MAGI3: variants seen among roughly 807,000 people sequenced by gnomAD.
MAGI3 encodes the protein membrane associated guanylate kinase, WW and PDZ domain containing 3.
In MAGI3, 43 loss-of-function variants were observed where a neutral mutation model predicts 121.8. That is an observed-to-expected ratio of 0.35 (90% CI 0.28 to 0.46). The LOEUF is 0.46. Ranked by LOEUF, MAGI3 falls within the 20% of genes least tolerant of loss-of-function variation. The pLI is 1.00. For synonymous variants in MAGI3, 553 were observed against 639.3 expected, an observed-to-expected ratio of 0.86 and a Z score of 2.04; for missense variants, 1,547 against 1,797.3, an observed-to-expected ratio of 0.86 and a Z score of 2.52.
In MAGI3 at chr1:113,624,189, A is replaced by G. The variant is rs542912247; in HGVS notation, c.1360+1195A>G. ...ACATGGGAGTGCAGATATCTCTTCA[A>G]TATACTGATTTCCTTTCTTGTGGGT... On this transcript the variant is annotated intron_variant, in intron 9 of 20. Coordinates refer to ENST00000307546, the MANE Select transcript of MAGI3 (RefSeq NM_001142782.2). Among the ~76,000 whole-genome samples the G allele has an allele frequency of 1.8e-4, 27 of 152,300 alleles. 2 individuals are homozygous for G. In the South Asian group the frequency reaches 5.6e-3, roughly 32 times the overall value.
At chr1:113,515,425 C>T (rs1657845995) in intron 1 of MAGI3, among the ~76,000 whole-genome samples, 1 of 152,074 alleles carries the variant, frequency 6.6e-6, no homozygotes, top group South Asian at 2.1e-4. Flanking sequence ...TCAAGAACTT[C>T]ATTTCATTAA....
At chr1:113,495,096 C>T (rs1002964419) in intron 1 of MAGI3, among the ~76,000 whole-genome samples, 2 of 152,070 alleles carry the variant, frequency 1.3e-5, no homozygotes, top group Non-Finnish European at 1.5e-5. Flanking sequence ...ACTATGTTGT[C>T]GGCAGCTAGA....
chr1:113,427,166 G>A (rs192205483), intron 1 of MAGI3, among the ~76,000 whole-genome samples: 2 of 152,282 alleles, frequency 1.3e-5, no homozygotes, highest in Admixed American at 6.5e-5. Flanking sequence ...TGATACCACT[G>A]GGGCTCCCAT....
At chr1:113,400,623 A>G (rs535143124) in intron 1 of MAGI3, among the ~76,000 whole-genome samples, 11 of 152,312 alleles carry the variant, frequency 7.2e-5, no homozygotes, top group African/African-American at 2.2e-4. Flanking sequence ...CCATATATTG[A>G]TTAATTAAGC....
At chr1:113,409,713 C>G (rs1342455091) in intron 1 of MAGI3, among the ~76,000 whole-genome samples, 1 of 152,116 alleles carries the variant, frequency 6.6e-6, no homozygotes, top group Admixed American at 6.6e-5. Context: ...CACACTGTCT[C>G]CTGACTGTCT....
intron 1 of MAGI3, among the ~76,000 whole-genome samples, chr1:113,440,342 A>G (rs1347577409): frequency 1.3e-5 from 2 of 152,212 alleles, no homozygotes; most frequent in Non-Finnish European, 2.9e-5. Context: ...GCTTCACATA[A>G]TAAAAAGTTT....
At position 113,609,088 on chromosome 1, in the gene MAGI3, C is replaced by T. The variant is rs138694467; in HGVS notation, c.1019-5513C>T. Among the ~76,000 whole-genome samples, 766 of 152,236 alleles carry T rather than the reference C, an allele frequency of 5.0e-3. 4 individuals carry two copies. The highest frequency in any genetic ancestry group is 0.018 in the African/African-American group (737 of 41,528). On this transcript the variant is annotated intron_variant, in intron 6 of 20. Transcript: ENST00000307546. ...CTATACTTATCTTCGGGGGAGCCTA[C>T]AATTTAGAACATTGAGTCTATTTGT...
chr1:113,391,401 G>A lies in MAGI3; in HGVS notation c.316+52G>A, dbSNP rs1650806677. ...GGGGTGTTGGGGAGAGGGGCTTCAG[G>A]GTGGGCGTCCTGGGAGCGGCGGCAC... is the stretch of plus-strand genomic sequence containing the variant. On this transcript the variant is annotated intron_variant, in intron 1 of 20. Transcript: ENST00000307546. This position sits in a 1 kb window ranked among gnomAD's most constrained non-coding sequence, Gnocchi z 4.4. The A allele has an allele frequency of 1.3e-6, 2 of 1,545,828 alleles. No individual in the cohort carries two copies. Among genetic ancestry groups the A allele is most frequent in the African/African-American group, 2.8e-5 (2 of 72,650 alleles).
intron 9 of MAGI3, among the ~76,000 whole-genome samples, chr1:113,641,007 A>ATATATAT (rs1652440883): frequency 2.4e-5 from 1 of 42,284 alleles, no homozygotes; most frequent in African/African-American, 1.6e-4. Context: ...GATATATATA[A>ATATATAT]TATATATGAT....
chr1:113,477,294 G>T (rs1655880460), intron 1 of MAGI3, among the ~76,000 whole-genome samples: 1 of 152,142 alleles, frequency 6.6e-6, no homozygotes, highest in African/African-American at 2.4e-5. Context: ...TTTTTTGCCT[G>T]TTAATTGATG....
intron 1 of MAGI3, among the ~76,000 whole-genome samples, chr1:113,436,162 T>C (rs2101437623): frequency 6.6e-6 from 1 of 152,154 alleles, no homozygotes; most frequent in East Asian, 1.9e-4. Flanking sequence ...GATATAGGGA[T>C]GTTATAATTT....
chr1:113,565,268 T>C (rs1221968487), intron 2 of MAGI3, among the ~76,000 whole-genome samples: 1 of 152,242 alleles, frequency 6.6e-6, no homozygotes, highest in Non-Finnish European at 1.5e-5. Context: ...ATTCATCAAA[T>C]TATTAAGAAT....
intron 1 of MAGI3, among the ~76,000 whole-genome samples, chr1:113,404,860 A>G (rs2101308617): frequency 6.6e-6 from 1 of 152,212 alleles, no homozygotes; most frequent in East Asian, 1.9e-4. Context: ...ATCATCCTAC[A>G]AGCCTAGTTT....
intron 2 of MAGI3, among the ~76,000 whole-genome samples, chr1:113,554,134 C>T (rs1003629895): frequency 2.6e-5 from 4 of 151,982 alleles, no homozygotes; most frequent in Non-Finnish European, 5.9e-5. Flanking sequence ...GACCCATAAT[C>T]AAAAGAAAAG....
At chr1:113,487,956 G>T (rs1258709342) in intron 1 of MAGI3, among the ~76,000 whole-genome samples, 1 of 151,916 alleles carries the variant, frequency 6.6e-6, no homozygotes, top group African/African-American at 2.4e-5. Context: ...TTAATTCTTT[G>T]TAGGAACAAG....
At chr1:113,454,957 T>C (rs892116021) in intron 1 of MAGI3, among the ~76,000 whole-genome samples, 12 of 152,070 alleles carry the variant, frequency 7.9e-5, no homozygotes, top group East Asian at 3.8e-4. Flanking sequence ...GGAGATTAGG[T>C]ACAGAATAAA....
chr1:113,576,818 T>C (rs1315453250), intron 2 of MAGI3: 1 of 152,154 alleles, frequency 6.6e-6, no homozygotes, highest in South Asian at 2.1e-4. Context: ...GTCTTGTTCA[T>C]TGTTGAGGTT....
chr1:113,638,318 G>C (rs1652183717), intron 9 of MAGI3, among the ~76,000 whole-genome samples: 1 of 152,176 alleles, frequency 6.6e-6, no homozygotes, highest in Admixed American at 6.5e-5. Context: ...GCTTTTTAGA[G>C]TTTCCAGTTT....
rs1484401860 is a variant in MAGI3, at chr1:113,647,222, T to C, written c.2155+580T>C. ...CTTGGGCTCTGCAAGTAGTTCACTT[T>C]CGCTGGGTGCAATTGGCAAGGAAAG... On this transcript the variant is annotated intron_variant, in intron 12 of 20. Transcript: ENST00000307546. Among the ~76,000 whole-genome samples the C allele has an allele frequency of 3.3e-5, 5 of 152,176 alleles. No homozygotes were observed. The East Asian group carries it at 9.6e-4, about 29-fold the overall frequency.
Sources: allele counts gnomAD v4.1 joint callset (sites outside exome capture counted in the v4.1 genomes callset), GRCh38; gene constraint gnomAD v4.1.1; non-coding constraint Gnocchi (gnomAD v3.1); transcripts MANE v1.5; gene names NCBI Gene and HGNC (gene_info 2026-07-23, HGNC 2026-07-21).